TMEM150C: variants seen among roughly 807,000 people sequenced by gnomAD.
The protein encoded by TMEM150C is tentonin 3.
In TMEM150C, 10 loss-of-function variants were observed where a neutral mutation model predicts 29.9. The observed-to-expected ratio is 0.33, with a 90% confidence interval of 0.21 to 0.57. The LOEUF (loss-of-function observed/expected upper bound fraction) is 0.57, where lower values mean the gene tolerates loss of function less well. Ranked by LOEUF, TMEM150C falls within the 20% of genes least tolerant of loss-of-function variation. The pLI, the probability that TMEM150C is intolerant of heterozygous loss-of-function variation, is 0.88. For synonymous variants in TMEM150C, 101 were observed against 112.5 expected (o/e 0.90, Z 0.64); for missense variants, 251 against 303.6 (o/e 0.83, Z 1.29).
Position 82,541,082 on chromosome 4 carries a change from T to C in TMEM150C, c.-11+20824A>G, listed in dbSNP as rs543632650. 1.2e-4 allele frequency among the ~76,000 whole-genome samples: 18 copies of C among 152,296 alleles called. No individual in the cohort carries two copies. The South Asian group carries it at 3.5e-3, about 30-fold the overall frequency. ...TCAAATATTTGTTATGGGGATGCAG[T>C]CACATAATTATTATCTAGTGCAGGG... On this transcript the variant is annotated intron_variant, in intron 1 of 7. Coordinates refer to ENST00000449862, the MANE Select transcript of TMEM150C (RefSeq NM_001080506.3).
At chr4:82,511,348 G>C (rs1724116028) in intron 1 of TMEM150C, among the ~76,000 whole-genome samples, 1 of 151,852 alleles carries the variant, frequency 6.6e-6, no homozygotes, top group Admixed American at 6.6e-5. Context: ...ATGCTGTCTT[G>C]ATTTCTAAAG....
At chr4:82,522,077 C>T (rs1040909610) in intron 1 of TMEM150C, among the ~76,000 whole-genome samples, 1 of 152,104 alleles carries the variant, frequency 6.6e-6, no homozygotes, top group Non-Finnish European at 1.5e-5. Context: ...AAAAAATTTA[C>T]TCTTTGTTTG....
chr4:82,504,985 G>A lies in TMEM150C; in HGVS notation c.-10-318C>T, dbSNP rs376106747. On this transcript the variant is annotated intron_variant, in intron 1 of 7. Transcript: ENST00000449862. ...GCGGAGCTTGCAGTGAGCCGAGATC[G>A]CGCCACTGTACTCCAGCCTGGGCGT... is the stretch of plus-strand genomic sequence containing the variant. 1.9e-4 allele frequency among the ~76,000 whole-genome samples: 29 copies of A among 152,220 alleles called. No homozygotes were observed. The East Asian group carries it at 5.6e-3, about 29-fold the overall frequency.
chr4:82,502,202 A>G (rs529946840), intron 5 of TMEM150C, among the ~76,000 whole-genome samples: 28 of 152,164 alleles, frequency 1.8e-4, no homozygotes, highest in Admixed American at 9.2e-4. Flanking sequence ...TATGAGTACT[A>G]AAGGTTTCTT....
chr4:82,506,686 C>T (rs996604551), intron 1 of TMEM150C, among the ~76,000 whole-genome samples: 12 of 152,128 alleles, frequency 7.9e-5, no homozygotes, highest in African/African-American at 2.7e-4. Flanking sequence ...TTATATAATA[C>T]GGAAGAACAG....
chr4:82,502,508 T>C (rs1008993070), intron 5 of TMEM150C, among the ~76,000 whole-genome samples: 6 of 152,072 alleles, frequency 3.9e-5, no homozygotes, highest in Admixed American at 2.0e-4. Context: ...ATGATAAAGA[T>C]GGTAAAGGGA....
chr4:82,506,732 T>C (rs1273704213), intron 1 of TMEM150C, among the ~76,000 whole-genome samples: 1 of 152,176 alleles, frequency 6.6e-6, no homozygotes, highest in East Asian at 1.9e-4. Context: ...TGCTAGTGAG[T>C]CTCTATTCAT....
chr4:82,556,777 A>T (rs1188319840), intron 1 of TMEM150C, among the ~76,000 whole-genome samples: 3 of 152,354 alleles, frequency 2.0e-5, no homozygotes, highest in Non-Finnish European at 2.9e-5. Context: ...TCCAAAAAAA[A>T]ATAATAAAAA....
chr4:82,557,339 A>C (rs1725765710), intron 1 of TMEM150C, among the ~76,000 whole-genome samples: 1 of 152,206 alleles, frequency 6.6e-6, no homozygotes. Flanking sequence ...AGAAACCAAC[A>C]GAGGCAGAGG....
intron 1 of TMEM150C, among the ~76,000 whole-genome samples, chr4:82,548,591 G>C (rs1221050915): frequency 6.6e-6 from 1 of 152,104 alleles, no homozygotes; most frequent in Admixed American, 6.6e-5. Flanking sequence ...TTGCTGGCTG[G>C]GCTCTGTGCT....
chr4:82,553,194 T>C (rs973722411), intron 1 of TMEM150C, among the ~76,000 whole-genome samples: 1 of 152,252 alleles, frequency 6.6e-6, no homozygotes, highest in Non-Finnish European at 1.5e-5. Context: ...CCAATTGGAC[T>C]TTATTTACAA....
At chr4:82,486,336 A>T (rs199862305) in intron 7 of TMEM150C, among the ~76,000 whole-genome samples, 1 of 69,914 alleles carries the variant, frequency 1.4e-5, no homozygotes, top group African/African-American at 7.1e-5. Flanking sequence ...ACTCCATCTT[A>T]AAAAAAAAAA....
intron 1 of TMEM150C, among the ~76,000 whole-genome samples, chr4:82,556,109 G>A (rs116626258): frequency 0.016 from 2,379 of 151,908 alleles, 27 homozygotes; most frequent in Middle Eastern, 0.031. Context: ...TTTTCTTGGA[G>A]GGGGGATTAC....
intron 1 of TMEM150C, among the ~76,000 whole-genome samples, chr4:82,528,784 C>G (rs1435389344): frequency 6.6e-6 from 1 of 151,888 alleles, no homozygotes; most frequent in African/African-American, 2.4e-5. Context: ...TTAGTAAAGA[C>G]GGGGTTTCAC....
chr4:82,560,343 T>C (rs1175096098), intron 1 of TMEM150C, among the ~76,000 whole-genome samples: 1 of 152,226 alleles, frequency 6.6e-6, no homozygotes, highest in Non-Finnish European at 1.5e-5. Context: ...ATCTATCAAC[T>C]AGTCATTATT....
At chr4:82,496,284 G>T in intron 5 of TMEM150C, 89 bp from the exon 6 acceptor site, 2 of 1,319,698 alleles carry the variant, frequency 1.5e-6, no homozygotes, top group Non-Finnish European at 2.1e-6. Context: ...ATTTTTTTAT[G>T]CTGCACTATT....
intron 1 of TMEM150C, among the ~76,000 whole-genome samples, chr4:82,546,763 G>A (rs965940022): frequency 2.0e-5 from 3 of 152,050 alleles, no homozygotes; most frequent in Non-Finnish European, 4.4e-5. Context: ...GGAGGTGGAG[G>A]TTGCAGTGAG....
At chr4:82,531,645 C>T (rs539439090) in intron 1 of TMEM150C, among the ~76,000 whole-genome samples, 2 of 149,414 alleles carry the variant, frequency 1.3e-5, no homozygotes, top group East Asian at 2.0e-4. Context: ...ATCCCAGGTA[C>T]GTGGGAGGCT....
In TMEM150C at chr4:82,496,110, C is replaced by T. The variant is rs201196793; in HGVS notation, c.321G>A (p.Leu107=). 6 of 1,613,964 alleles carry T rather than the reference C, an allele frequency of 3.7e-6. No homozygotes were observed. In the East Asian group the frequency reaches 1.1e-4, roughly 30 times the overall value. Residue 107 remains leucine (L), a synonymous_variant, in exon 6 of 8, where the codon CTG becomes CTA. Transcript: ENST00000449862. ...PWLNISGLVA[L]CLASFGMTLL... ...AGGTCATTCCGAAGGAAGCCAGACA[C>T]AGAGCCACCAATCCACTAATATTCA...
Sources: allele counts gnomAD v4.1 joint callset (sites outside exome capture counted in the v4.1 genomes callset), GRCh38; gene constraint gnomAD v4.1.1; transcripts MANE v1.5; gene names NCBI Gene and HGNC (gene_info 2026-07-23, HGNC 2026-07-21).